LYST: variants seen among roughly 807,000 people sequenced by gnomAD.
LYST encodes the protein lysosomal trafficking regulator.
Under a neutral mutation model 413.6 loss-of-function variants are expected in LYST, and 192 were observed. The ratio of observed to expected loss-of-function variants is 0.46; its 90% CI spans 0.41 to 0.52. The LOEUF is 0.52. Among genes scored for constraint, LYST ranks in the 20% least tolerant of loss-of-function variants. The pLI, the probability that LYST is intolerant of heterozygous loss-of-function variation, is 0.00. For missense variants in LYST, 3,815 were observed against 4,499.9 expected, an observed-to-expected ratio of 0.85 and a Z score of 4.35; for synonymous variants, 1,525 against 1,567.3, an observed-to-expected ratio of 0.97 and a Z score of 0.64.
intron 1 of LYST, among the ~76,000 whole-genome samples, chr1:235,878,059 T>C (rs1039073127): frequency 2.0e-5 from 3 of 152,182 alleles, no homozygotes; most frequent in African/African-American, 7.2e-5. Flanking sequence ...GCCTCAAATA[T>C]GCAATGCATT....
At chr1:235,746,304 T>A in intron 29 of LYST, 32 bp downstream of exon 29, 1 of 1,586,404 alleles carries the variant, frequency 6.3e-7, no homozygotes, top group Non-Finnish European at 8.7e-7. Context: ...TTTTAAAATC[T>A]GAGGAAAAAC....
intron 50 of LYST, among the ~76,000 whole-genome samples, chr1:235,671,637 G>A (rs1261282973): frequency 6.6e-6 from 1 of 152,278 alleles, no homozygotes; most frequent in East Asian, 1.9e-4. Flanking sequence ...AAAGGTAAAA[G>A]CAAGTGAAAA....
intron 50 of LYST, among the ~76,000 whole-genome samples, chr1:235,666,449 G>A (rs893914708): frequency 1.3e-5 from 2 of 152,090 alleles, no homozygotes; most frequent in Non-Finnish European, 2.9e-5. Context: ...GTTACCAGGG[G>A]CTGGAAGCTG....
intron 31 of LYST, chr1:235,737,917 G>GAGAAGA: frequency 1.7e-6 from 2 of 1,160,142 alleles, no homozygotes; most frequent in Admixed American, 4.4e-5. Flanking sequence ...CTGCCGACGA[G>GAGAAGA]TCTGGATCTC....
Position 235,662,775 on chromosome 1 carries a change from G to A in LYST, c.*165C>T. The stretch of plus-strand genomic sequence containing the variant: ...AAATAGAACAGAACTTTCCTCTTAG[G>A]ATCATGTGACTCTTCAGAATTTTGT... On this transcript the variant is annotated 3_prime_UTR_variant, in exon 53 of 53. Transcript: ENST00000389793. 3 of 737,774 alleles carry A rather than the reference G, an allele frequency of 4.1e-6. No homozygotes were observed. In the South Asian group the frequency reaches 4.3e-5, roughly 10 times the overall value. 45.7% of individuals were successfully genotyped at this position (737,774 alleles called of 1,614,324 possible).
chr1:235,710,573 A>G (rs539954987), intron 43 of LYST, among the ~76,000 whole-genome samples: 14 of 152,226 alleles, frequency 9.2e-5, no homozygotes, highest in African/African-American at 3.4e-4. Flanking sequence ...ATGATATGAT[A>G]TACGCTGTAA....
chr1:235,689,864 T>C (rs1327591334), intron 47 of LYST, among the ~76,000 whole-genome samples: 2 of 152,228 alleles, frequency 1.3e-5, no homozygotes, highest in African/African-American at 4.8e-5. Context: ...AAGCTTTGGA[T>C]CTGCTAAACT....
At chr1:235,880,435 C>T (rs764563948) in intron 1 of LYST, among the ~76,000 whole-genome samples, 3 of 152,132 alleles carry the variant, frequency 2.0e-5, no homozygotes, top group South Asian at 4.1e-4. Context: ...ATTTATTACT[C>T]GGTAAAAGTG....
chr1:235,777,106 T>C lies in LYST; in HGVS notation c.5417A>G (p.His1806Arg). Residue 1806 changes from histidine (H) to arginine (R), a missense_variant, in exon 17 of 53, where the codon CAC becomes CGC. Around this residue, in one of 4 missense-constraint regions of LYST, gnomAD observed 530 missense variants for 696.5 expected, o/e 0.76. Coordinates refer to ENST00000389793, the MANE Select transcript of LYST (RefSeq NM_000081.4). The stretch of plus-strand genomic sequence containing the variant: ...AAATATGCCAGTTCCACCAATTTCG[T>C]GCAGAATGCCTTGAATAGTTTTATA... ...TEYKTIQGILHEIGGTGIFVF... is the reference protein window; with the variant it reads ...TEYKTIQGILREIGGTGIFVF... 1 of 1,613,554 alleles carries C rather than the reference T, an allele frequency of 6.2e-7. No individual in the cohort carries two copies. Among genetic ancestry groups the C allele is most frequent in the Non-Finnish European group, 8.5e-7 (1 of 1,179,600 alleles).
At chr1:235,753,363 G>C in intron 25 of LYST, 89 bp from the exon 26 acceptor site, 1 of 832,132 alleles carries the variant, frequency 1.2e-6, no homozygotes, top group Non-Finnish European at 2.0e-6. Flanking sequence ...TTGCTAACTT[G>C]ATTTTGAAGT....
rs1195832237 is a variant in LYST, at chr1:235,697,286, A to G, written c.10375-14T>C. ...TGACAAAGGACTCTAAAATGAAGAA[A>G]AATAAAAAGTATGGCTTTTTAAAAG... On this transcript the variant is annotated splice_polypyrimidine_tract_variant and intron_variant, in intron 45 of 52. Coordinates refer to ENST00000389793, the MANE Select transcript of LYST (RefSeq NM_000081.4). The G allele has an allele frequency of 6.2e-7, 1 of 1,602,842 alleles. No individual in the cohort carries two copies. Among genetic ancestry groups the G allele is most frequent in the Non-Finnish European group, 8.5e-7 (1 of 1,170,566 alleles).
At chr1:235,827,580 C>CA (rs1675475020) in intron 3 of LYST, 2 of 981,780 alleles carry the variant, frequency 2.0e-6, no homozygotes, top group Non-Finnish European at 2.4e-6. Context: ...CTTAAAAACT[C>CA]AAACATTCAT....
intron 41 of LYST, 47 bp from the exon 42 acceptor site, chr1:235,715,404 G>A (rs1408218302): frequency 4.4e-6 from 7 of 1,587,824 alleles, no homozygotes; most frequent in East Asian, 4.5e-5. Flanking sequence ...TGGGCTCCAG[G>A]CAACGCTAGA....
At chr1:235,836,917 C>A (rs1676640191) in intron 1 of LYST, among the ~76,000 whole-genome samples, 1 of 152,146 alleles carries the variant, frequency 6.6e-6, no homozygotes, top group Non-Finnish European at 1.5e-5. Flanking sequence ...GGCAGGGAAG[C>A]TGGAACTAGT....
At chr1:235,666,225 T>TAC (rs66890524) in intron 50 of LYST, among the ~76,000 whole-genome samples, 3,846 of 135,842 alleles carry the variant, frequency 0.028, 59 homozygotes, top group South Asian at 0.042. Context: ...AGTATGTACA[T>TAC]ACACACACAC....
In LYST at chr1:235,778,381, A is replaced by T. The variant is rs139241744; in HGVS notation, c.5215-1073T>A. The stretch of plus-strand genomic sequence containing the variant: ...GATTATTCTTATTATTTATTTATTT[A>T]TTTATTTTTCCGAGACGGAGTCTTG... On this transcript the variant is annotated intron_variant, in intron 16 of 52. Transcript: ENST00000389793. Among the ~76,000 whole-genome samples, 1,327 of 150,864 alleles carry T rather than the reference A, an allele frequency of 8.8e-3. 23 individuals carry two copies. Among genetic ancestry groups the T allele is most frequent in the African/African-American group, 0.031 (1,265 of 40,858 alleles).
Position 235,762,199 on chromosome 1 carries a change from T to A in LYST, c.6253+521A>T, listed in dbSNP as rs1667662963. ...TGATTGTACAGTATTTGAAAATGTT[T>A]CAGAGTGATGCATGTGATTGAAAAA... On this transcript the variant is annotated intron_variant, in intron 22 of 52. Coordinates refer to ENST00000389793, the MANE Select transcript of LYST (RefSeq NM_000081.4). 2.6e-5 allele frequency among the ~76,000 whole-genome samples: 4 copies of A among 152,272 alleles called. No homozygotes were observed. In the South Asian group the frequency reaches 8.3e-4, roughly 32 times the overall value.
rs1403594840 is a variant in LYST, at chr1:235,810,481, T to C, written c.337A>G (p.Ser113Gly). The C allele has an allele frequency of 1.2e-6, 2 of 1,611,572 alleles. No homozygotes were observed. Among genetic ancestry groups the C allele is most frequent in the African/African-American group, 2.7e-5 (2 of 74,884 alleles). ...TTTTCCTGAGTGGATCTTTGTGAAC[T>C]TGAGTTCTTTTCTTTGGTCAGGATT... ...DIILTKEKNS[S>G]SQRSTQEKLH... Residue 113 changes from serine (S) to glycine (G), a missense_variant, in exon 5 of 53, where the codon AGT (serine) becomes GGT (glycine). By Grantham distance (56) the Ser-to-Gly change is moderately conservative (BLOSUM62 0). Around this residue, in one of 4 missense-constraint regions of LYST, gnomAD observed 1,648 missense variants for 1,810.3 expected, o/e 0.91. Coordinates refer to ENST00000389793, the MANE Select transcript of LYST (RefSeq NM_000081.4).
chr1:235,830,304 G>C lies in LYST; in HGVS notation c.114C>G (p.His38Gln). ...EAREEEEEET[H>Q]MATLGQYLVH... is the part of the protein sequence containing the mutation. ...CAAGGTACTGTCCAAGGGTTGCCAT[G>C]TGCGTCTCCTCCTCTTCTTCCTCCC... The change falls in exon 3 of 53, where the codon CAC (histidine) becomes CAG (glutamine). Residue 38 changes from histidine to glutamine, a missense_variant. By Grantham distance (24) the His-to-Gln change is conservative. Coordinates refer to ENST00000389793, the MANE Select transcript of LYST (RefSeq NM_000081.4). 6.2e-7 allele frequency: 1 copy of C among 1,614,032 alleles called. No homozygotes were observed. Among genetic ancestry groups the C allele is most frequent in the Non-Finnish European group, 8.5e-7 (1 of 1,179,916 alleles).
Sources: allele counts gnomAD v4.1 joint callset (sites outside exome capture counted in the v4.1 genomes callset), GRCh38; gene constraint gnomAD v4.1.1; regional missense constraint gnomAD v4.1.1; transcripts MANE v1.5; gene names NCBI Gene and HGNC (gene_info 2026-07-23, HGNC 2026-07-21).